The following PYGB variants were observed in gnomAD, a reference collection of about 807,000 sequenced individuals.
The protein encoded by PYGB is glycogen phosphorylase, brain form.
PYGB carries 82 observed loss-of-function variants against 94.3 expected under a neutral mutation model. The ratio of observed to expected loss-of-function variants is 0.87; its 90% CI spans 0.73 to 1.04. The LOEUF (loss-of-function observed/expected upper bound fraction) is 1.04, where lower values mean the gene tolerates loss of function less well. Ranked by LOEUF, PYGB falls within the 50% of genes least tolerant of loss-of-function variation. The pLI is 0.00. For synonymous variants in PYGB, 488 were observed against 479.1 expected (o/e 1.02, Z -0.24); for missense variants, 1,132 against 1,158.2 (o/e 0.98, Z 0.33).
At chr20:25,270,201 G>GTTTTTTTTTTTT (rs11475085) in intron 3 of PYGB, among the ~76,000 whole-genome samples, 1 of 129,902 alleles carries the variant, frequency 7.7e-6, no homozygotes, top group Non-Finnish European at 1.5e-5. Context: ...TTTTTGTTTT[G>GTTTTTTTTTTTT]TTTTGTTTTT....
At chr20:25,275,326 G>T (rs1048360432) in intron 5 of PYGB, among the ~76,000 whole-genome samples, 2 of 152,240 alleles carry the variant, frequency 1.3e-5, no homozygotes, top group Non-Finnish European at 2.9e-5. Flanking sequence ...TGCCAGGCAC[G>T]CAGAGGCCAC....
intron 14 of PYGB, among the ~76,000 whole-genome samples, chr20:25,284,523 T>C (rs112054282): frequency 6.6e-6 from 1 of 152,192 alleles, no homozygotes; most frequent in Admixed American, 6.5e-5. Context: ...AGTCTTGACC[T>C]CCAAGGGCCC....
Position 25,248,408 on chromosome 20 carries a change from A to T in PYGB, c.230A>T (p.Glu77Val). The stretch of plus-strand genomic sequence containing the variant: ...ATCCGCACGCAGCAGCACTACTACG[A>T]GCGCGACCCCAAGGTGAGGCGCTGC... ...RWIRTQQHYY[E>V]RDPKRIYYLS... The change falls in exon 1 of 20, where the codon GAG becomes GTG. Residue 77 changes from glutamate to valine, a missense_variant. Physicochemically the swap from Glu to Val is moderately radical, Grantham distance 121. Transcript: ENST00000216962. 1 of 1,546,364 alleles carries T rather than the reference A, an allele frequency of 6.5e-7. No individual in the cohort carries two copies. The highest frequency in any genetic ancestry group is 8.7e-7 in the Non-Finnish European group (1 of 1,145,496).
chr20:25,256,503 A>C (rs568091592), intron 1 of PYGB, among the ~76,000 whole-genome samples: 21 of 145,702 alleles, frequency 1.4e-4, no homozygotes, highest in Non-Finnish European at 2.7e-4. Context: ...CTCAAAAAAA[A>C]AAAAACAAAA....
rs1353579704 is a variant in PYGB, at chr20:25,297,316, TAGCTGA to T, written c.*798_*803del. On this transcript the variant is annotated 3_prime_UTR_variant, in exon 20 of 20. Transcript: ENST00000216962. Reference sequence around the variant, plus strand: ...AAATAACTACACATGGAAATGAAACTAGCTGAAGCCTTTTCTTGTTTTAGCAACTGA... The same window carrying T: ...AAATAACTACACATGGAAATGAAACTAGCCTTTTCTTGTTTTAGCAACTGA... 6.6e-6 allele frequency: 1 copy of T among 152,312 alleles called. No individual in the cohort carries two copies. Among genetic ancestry groups the T allele is most frequent in the Non-Finnish European group, 1.5e-5 (1 of 68,050 alleles). The allele number at this position is 152,312 out of a possible 1,614,324, so 9.4% of individuals were successfully genotyped here.
Position 25,269,179 on chromosome 20 carries a change from T to TAAGGCCAA in PYGB, c.396_397insAAGGCCAA (p.Gly133LysfsTer48), listed in dbSNP as rs2088244462. On this transcript the variant is annotated frameshift_variant, in exon 3 of 20. Transcript: ENST00000216962. LOFTEE classifies it high-confidence loss of function. ...AGGAGATAGAAGAAGATGCTGGCCT[T>TAAGGCCAA]GGGAATGGAGGCCTGGGGAGGCTGG... is the stretch of plus-strand genomic sequence containing the variant. 6.2e-7 allele frequency: 1 copy of TAAGGCCAA among 1,600,030 alleles called. No homozygotes were observed. Among genetic ancestry groups the TAAGGCCAA allele is most frequent in the African/African-American group, 1.3e-5 (1 of 74,640 alleles).
intron 2 of PYGB, among the ~76,000 whole-genome samples, chr20:25,266,846 A>C (rs893939373): frequency 2.0e-5 from 3 of 152,258 alleles, no homozygotes; most frequent in African/African-American, 7.2e-5. Context: ...ATAATCATAA[A>C]CACAGAGAAC....
At chr20:25,284,046 G>A in intron 13 of PYGB, 58 bp from the exon 14 acceptor site, 1 of 1,592,956 alleles carries the variant, frequency 6.3e-7, no homozygotes, top group Non-Finnish European at 8.6e-7. Context: ...GAAGCCGCAG[G>A]GTCAGTGGAT....
rs757088202 is a variant in PYGB at position 25,294,150 on chromosome 20, C to T, written c.2178-8C>T. 6.2e-7 allele frequency: 1 copy of T among 1,613,208 alleles called. No individual in the cohort carries two copies. Among genetic ancestry groups the T allele is most frequent in the Admixed American group, 1.7e-5 (1 of 60,002 alleles). ...CTGGCTGCTGACTCCTGGCCCATCG[C>T]CTCACAGGTACAATGCCAGGGAGTA... On this transcript the variant is annotated splice_polypyrimidine_tract_variant and splice_region_variant and intron_variant, in intron 17 of 19. Coordinates refer to ENST00000216962, the MANE Select transcript of PYGB (RefSeq NM_002862.4).
At position 25,292,570 on chromosome 20, in the gene PYGB, T is replaced by A; in HGVS notation, c.2134T>A (p.Phe712Ile). ...GGCCGGGGCCGAGAACCTCTTCATC[T>A]TCGGCCTGCGGGTGGAGGATGTCGA... ...EEAGAENLFIFGLRVEDVEAL... is the reference protein window; with the variant it reads ...EEAGAENLFIIGLRVEDVEAL... The change falls in exon 17 of 20, where the codon TTC becomes ATC. Residue 712 changes from phenylalanine to isoleucine, a missense_variant. Physicochemically the swap from Phe to Ile is conservative, Grantham distance 21 (BLOSUM62 0). Coordinates refer to ENST00000216962, the MANE Select transcript of PYGB (RefSeq NM_002862.4). 1 of 1,613,112 alleles carries A rather than the reference T, an allele frequency of 6.2e-7. No individual in the cohort carries two copies. Among genetic ancestry groups the A allele is most frequent in the Non-Finnish European group, 8.5e-7 (1 of 1,179,988 alleles).
chr20:25,289,600 C>CACT (rs2088447600), intron 15 of PYGB, among the ~76,000 whole-genome samples: 1 of 151,774 alleles, frequency 6.6e-6, no homozygotes, highest in Admixed American at 6.6e-5. Context: ...GCTGTGATTG[C>CACT]ACTACTGCAC....
At chr20:25,258,180 A>T (rs2092906296) in intron 1 of PYGB, among the ~76,000 whole-genome samples, 1 of 152,220 alleles carries the variant, frequency 6.6e-6, no homozygotes, top group South Asian at 2.1e-4. Context: ...AGGTATTTAT[A>T]GAGTATTCTT....
chr20:25,273,549 G>T (rs73904040), intron 4 of PYGB, among the ~76,000 whole-genome samples: 3 of 152,194 alleles, frequency 2.0e-5, no homozygotes, highest in African/African-American at 7.2e-5. Context: ...TTCAGAATCC[G>T]CCCTTGCTGC....
chr20:25,271,182 C>T (rs1487602932), intron 3 of PYGB, among the ~76,000 whole-genome samples: 1 of 152,038 alleles, frequency 6.6e-6, no homozygotes. Flanking sequence ...CCACGCCCTT[C>T]GAGTAGCCAC....
At chr20:25,262,401 A>G (rs1568685134) in intron 2 of PYGB, among the ~76,000 whole-genome samples, 2 of 152,226 alleles carry the variant, frequency 1.3e-5, no homozygotes, top group African/African-American at 4.8e-5. Context: ...AAGGAGAAAT[A>G]AAATCCTTTA....
At position 25,248,306 on chromosome 20, in the gene PYGB, A is replaced by G; in HGVS notation, c.128A>G (p.Asp43Gly). Residue 43 changes from aspartate (D) to glycine (G), a missense_variant, in exon 1 of 20, where the codon GAC (aspartate) becomes GGC (glycine). Physicochemically the swap from Asp to Gly is moderately conservative, Grantham distance 94. Coordinates refer to ENST00000216962, the MANE Select transcript of PYGB (RefSeq NM_002862.4). ...CACTTGCACTTCACGCTGGTCAAGG[A>G]CCGCAATGTGGCCACGCCCCGCGAC... ...NRHLHFTLVK[D>G]RNVATPRDYF... is the part of the protein sequence containing the mutation. 6.2e-7 allele frequency: 1 copy of G among 1,604,558 alleles called. No homozygotes were observed. The highest frequency in any genetic ancestry group is 8.5e-7 in the Non-Finnish European group (1 of 1,176,100).
Position 25,254,024 on chromosome 20 carries a change from A to G in PYGB, c.244-5213A>G, listed in dbSNP as rs202024837. Among the ~76,000 whole-genome samples, 122 of 151,682 alleles carry G rather than the reference A, an allele frequency of 8.0e-4. No homozygotes were observed. The East Asian group carries it at 0.012, about 15-fold the overall frequency. On this transcript the variant is annotated intron_variant, in intron 1 of 19. Transcript: ENST00000216962. ...GAGGAGCAGGTTGCAGTGAGCTGAGATCACGCCACTGCATTCCAGCCTGGG... is the reference window on the plus strand; with the variant it reads ...GAGGAGCAGGTTGCAGTGAGCTGAGGTCACGCCACTGCATTCCAGCCTGGG...
intron 5 of PYGB, among the ~76,000 whole-genome samples, chr20:25,275,563 A>T (rs374129547): frequency 2.6e-5 from 4 of 152,216 alleles, no homozygotes; most frequent in African/African-American, 9.6e-5. Context: ...AATCAAATAC[A>T]TGGGCTTCGA....
At chr20:25,269,421 G>A (rs897910757) in intron 3 of PYGB, among the ~76,000 whole-genome samples, 8 of 152,190 alleles carry the variant, frequency 5.3e-5, no homozygotes, top group African/African-American at 1.9e-4. Flanking sequence ...TCATTATCAC[G>A]AAGACCAATC....
Sources: gnomAD v4.1 joint callset for allele counts (sites outside exome capture counted in the v4.1 genomes callset) on GRCh38, gnomAD v4.1.1 for gene constraint, MANE v1.5 for transcripts, NCBI Gene and HGNC (gene_info 2026-07-23, HGNC 2026-07-21) for gene names.